C1orf35: variants seen among roughly 807,000 people sequenced by gnomAD.
The protein encoded by C1orf35 is multiple myeloma tumor-associated protein 2.
Under a neutral mutation model 30.9 loss-of-function variants are expected in C1orf35, and 36 were observed. The observed-to-expected ratio is 1.16, with a 90% CI of 0.89 to 1.54. C1orf35 has a LOEUF of 1.54. Among genes scored for constraint, C1orf35 ranks in the 40% most tolerant of loss-of-function variants. The pLI is 0.00. For synonymous variants in C1orf35, 179 were observed against 148.2 expected, an observed-to-expected ratio of 1.21 and a Z score of -1.51; for missense variants, 396 against 358.7, an observed-to-expected ratio of 1.10 and a Z score of -0.84.
chr1:228,103,075 A>T (rs751775645), intron 1 of C1orf35, 26 bp from the exon 2 acceptor site: 1 of 1,605,614 alleles, frequency 6.2e-7, no homozygotes, highest in South Asian at 1.1e-5. Context: ...CTGTGAGTCC[A>T]GCGCCCGCCC....
intron 6 of C1orf35, chr1:228,101,699 C>A: frequency 7.0e-7 from 1 of 1,430,406 alleles, no homozygotes; most frequent in Middle Eastern, 2.6e-4. Flanking sequence ...CCTGCCCCAC[C>A]CCAGCCGTGC....
At chr1:228,102,803 T>TTCCCCCCCCCC in intron 2 of C1orf35, 96 bp downstream of exon 2, 25 of 1,187,464 alleles carry the variant, frequency 2.1e-5, no homozygotes, top group Non-Finnish European at 2.5e-5. Flanking sequence ...GCAGCCCCGC[T>TTCCCCCCCCCC]CCCGCCCAGC....
chr1:228,102,803 T>TGA, intron 2 of C1orf35, 96 bp downstream of exon 2: 1 of 1,187,500 alleles, frequency 8.4e-7, no homozygotes, highest in South Asian at 1.6e-5. Flanking sequence ...GCAGCCCCGC[T>TGA]CCCGCCCAGC....
chr1:228,102,199 C>G (rs754125957), intron 5 of C1orf35, 34 bp from the exon 6 acceptor site: 1 of 1,564,524 alleles, frequency 6.4e-7, no homozygotes, highest in Non-Finnish European at 8.6e-7. Flanking sequence ...GAGGAGTCTG[C>G]GGGCCGGCCC....
Position 228,103,115 on chromosome 1 carries a change from G to A in C1orf35, c.94+19C>T, listed in dbSNP as rs2124866338. On this transcript the variant is annotated intron_variant, in intron 1 of 7. Transcript: ENST00000272139. ...TCCCGGAGCCCGGAGCCCGGAGCCC[G>A]CCCACCGCGCGCACCCACCCAGGTA... 1.2e-6 allele frequency: 2 copies of A among 1,609,384 alleles called. No individual in the cohort carries two copies. The highest frequency in any genetic ancestry group is 2.2e-5 in the East Asian group (1 of 44,654).
intron 6 of C1orf35, 118 bp downstream of exon 6, chr1:228,101,962 G>A (rs2124864650): frequency 1.4e-6 from 2 of 1,429,708 alleles, no homozygotes; most frequent in Non-Finnish European, 9.1e-7. Context: ...AAGTAGGGCA[G>A]GCCACCCGCC....
rs376770071 is a variant in C1orf35 at position 228,103,265 on chromosome 1, C to T, written c.-38G>A. The T allele has an allele frequency of 6.9e-6, 11 of 1,601,714 alleles. No homozygotes were observed. The highest frequency in any genetic ancestry group is 9.4e-6 in the Non-Finnish European group (11 of 1,175,482). On this transcript the variant is annotated 5_prime_UTR_variant, in exon 1 of 8. Transcript: ENST00000272139. ...GCAGTTGCCTGGGGCCTGCGGCTTGCAACCTGCAACCCGCAACCCGAGACC... is the reference window on the plus strand; with the variant it reads ...GCAGTTGCCTGGGGCCTGCGGCTTGTAACCTGCAACCCGCAACCCGAGACC...
chr1:228,102,585 C>G, intron 3 of C1orf35, 25 bp from the exon 4 acceptor site: 1 of 1,572,744 alleles, frequency 6.4e-7, no homozygotes, highest in Non-Finnish European at 8.6e-7. Context: ...GCACAGGGAG[C>G]GCTCGAGTCG....
intron 7 of C1orf35, 33 bp downstream of exon 7, chr1:228,101,306 A>AC (rs1280023007): frequency 1.9e-6 from 3 of 1,613,868 alleles, no homozygotes; most frequent in Non-Finnish European, 2.5e-6. Context: ...CCAGGCCCCC[A>AC]CCCCCAAGAG....
In C1orf35 at chr1:228,101,460, T is replaced by C; in HGVS notation, c.547A>G (p.Arg183Gly). 6.2e-7 allele frequency: 1 copy of C among 1,612,842 alleles called. No homozygotes were observed. The highest frequency in any genetic ancestry group is 8.5e-7 in the Non-Finnish European group (1 of 1,180,004). Residue 183 changes from arginine (R) to glycine (G), a missense_variant, in exon 7 of 8, where the codon AGG becomes GGG. Arg to Gly is a moderately radical substitution (Grantham distance 125). Coordinates refer to ENST00000272139, the MANE Select transcript of C1orf35 (RefSeq NM_024319.4). ...TTCTTCTTCTCCTTCTTGCTTTTCC[T>C]GTGGCTCTCACAACTACAAGGAGGA... Reference protein sequence around the residue: ...DQTESSCESHRKSKKEKKKKK... With the variant: ...DQTESSCESHGKSKKEKKKKK...
rs1051811458 is a variant in C1orf35, at chr1:228,103,199, C to G, written c.29G>C (p.Arg10Pro). 2 of 1,611,536 alleles carry G rather than the reference C, an allele frequency of 1.2e-6. No individual in the cohort carries two copies. The highest frequency in any genetic ancestry group is 1.7e-6 in the Non-Finnish European group (2 of 1,179,400). Residue 10 changes from arginine (R) to proline (P), a missense_variant, in exon 1 of 8, where the codon CGC (arginine) becomes CCC (proline). Physicochemically the swap from Arg to Pro is moderately radical, Grantham distance 103. Transcript: ENST00000272139. MFGSSRGGV[R>P]GGQDQFNWED... is the part of the protein sequence containing the mutation. The stretch of plus-strand genomic sequence containing the variant: ...CCAGTTGAACTGGTCCTGCCCGCCG[C>G]GCACGCCTCCACGACTGGAGCCGAA...
In C1orf35 at chr1:228,103,002, G is replaced by C; in HGVS notation, c.142C>G (p.Leu48Val). ...PVGRWQKGRD[L>V]TWYAKGRAPC... ...GCCCGGCCCTTGGCGTACCAGGTGA[G>C]GTCGCGGCCCTTCTGCCAGCGGCCT... The change falls in exon 2 of 8, where the codon CTC becomes GTC. Residue 48 changes from leucine (L) to valine (V), a missense_variant. Physicochemically the swap from Leu to Val is conservative, Grantham distance 32. Transcript: ENST00000272139. The C allele has an allele frequency of 6.4e-7, 1 of 1,564,808 alleles. No individual in the cohort carries two copies.
At position 228,102,086 on chromosome 1, in the gene C1orf35, T is replaced by A; in HGVS notation, c.527A>T (p.Glu176Val). 6.3e-7 allele frequency: 1 copy of A among 1,583,236 alleles called. No individual in the cohort carries two copies. Residue 176 changes from glutamate (E) to valine (V), a missense_variant, in exon 6 of 8, where the codon GAA becomes GTA. Transcript: ENST00000272139. ...RRKPRAEDQT[E>V]SSCESHRKSK... The stretch of plus-strand genomic sequence containing the variant: ...CCAGGTGGCACAGCCTCACCTGCTT[T>A]CCGTCTGATCCTCCGCCCGCGGCTT...
At chr1:228,101,735 C>G (rs2032950855) in intron 6 of C1orf35, 16 of 1,416,904 alleles carry the variant, frequency 1.1e-5, no homozygotes, top group Non-Finnish European at 1.5e-5. Context: ...ACCTTCCTAC[C>G]TGCACCCACC....
chr1:228,102,964 G>A lies in C1orf35; in HGVS notation c.180C>T (p.Gly60=). The A allele has an allele frequency of 6.6e-7, 1 of 1,526,200 alleles. No individual in the cohort carries two copies. 94.5% of individuals were successfully genotyped at this position (1,526,200 alleles called of 1,614,324 possible). A position where few individuals can be genotyped will look rare whatever the true frequency, so the allele number is the denominator to read the frequency against. The stretch of plus-strand genomic sequence containing the variant: ...CTGCCAGTTCCTCCTCGCGGCTCGG[G>A]CCCGCGCATGGCGCCCGGCCCTTGG... The part of the protein sequence containing the change: ...WYAKGRAPCA[G]PSREEELAAV... The change falls in exon 2 of 8, where the codon GGC becomes GGT. Residue 60 remains glycine, a synonymous_variant. Coordinates refer to ENST00000272139, the MANE Select transcript of C1orf35 (RefSeq NM_024319.4).
At position 228,101,017 on chromosome 1, in the gene C1orf35, TC is replaced by T; in HGVS notation, c.*113del. On this transcript the variant is annotated 3_prime_UTR_variant, in exon 8 of 8. Coordinates refer to ENST00000272139, the MANE Select transcript of C1orf35 (RefSeq NM_024319.4). ...CCACAGGCTGGTGCCCAGAGCCACTTCCACAGGAGCAGCCTCGGGCTTCACC... is the reference window on the plus strand; with the variant it reads ...CCACAGGCTGGTGCCCAGAGCCACTTCACAGGAGCAGCCTCGGGCTTCACC... The T allele has an allele frequency of 2.7e-6, 4 of 1,492,362 alleles. No homozygotes were observed. Among genetic ancestry groups the T allele is most frequent in the Non-Finnish European group, 3.6e-6 (4 of 1,103,186 alleles). 92.4% of individuals were successfully genotyped at this position (1,492,362 alleles called of 1,614,324 possible).
chr1:228,102,848 C>A (rs1215178378), intron 2 of C1orf35, 51 bp downstream of exon 2: 1 of 1,382,366 alleles, frequency 7.2e-7, no homozygotes, highest in Non-Finnish European at 9.3e-7. Context: ...CCCCACCCTG[C>A]CCCGGCAGCG....
Position 228,101,101 on chromosome 1 carries a change from C to G in C1orf35, c.*30G>C, listed in dbSNP as rs747764343. 1 of 1,609,492 alleles carries G rather than the reference C, an allele frequency of 6.2e-7. No individual in the cohort carries two copies. The highest frequency in any genetic ancestry group is 1.3e-5 in the African/African-American group (1 of 74,868). On this transcript the variant is annotated 3_prime_UTR_variant, in exon 8 of 8. Transcript: ENST00000272139. The stretch of plus-strand genomic sequence containing the variant: ...GCAAGGTGAAGGGAGGGTTCAGGGT[C>G]CCACAACAGCAGTGAGCAGGGTCCA...
intron 7 of C1orf35, 34 bp from the exon 8 acceptor site, chr1:228,101,288 G>A: frequency 1.9e-6 from 3 of 1,614,190 alleles, no homozygotes; most frequent in Non-Finnish European, 2.5e-6. Context: ...TCACTCGGAA[G>A]GAGTCAACCA....
Sources: gnomAD v4.1 joint callset for allele counts on GRCh38, gnomAD v4.1.1 for gene constraint, MANE v1.5 for transcripts, NCBI Gene and HGNC (gene_info 2026-07-23, HGNC 2026-07-21) for gene names.